DNAI4: variants seen among roughly 807,000 people sequenced by gnomAD.
DNAI4 encodes the protein dynein axonemal intermediate chain 4.
In DNAI4, 85 loss-of-function variants were observed where a neutral mutation model predicts 105.8. The ratio of observed to expected loss-of-function variants is 0.80; its 90% CI spans 0.67 to 0.96. DNAI4 has a LOEUF of 0.96. Ranked by LOEUF, DNAI4 falls within the 40% of genes least tolerant of loss-of-function variation. DNAI4 has a pLI of 0.00. For missense variants in DNAI4, 1,014 were observed against 1,005.6 expected, an observed-to-expected ratio of 1.01 and a Z score of -0.11; for synonymous variants, 352 against 331.5, an observed-to-expected ratio of 1.06 and a Z score of -0.67.
At chr1:66,833,375 A>T (rs1271453320) in intron 13 of DNAI4, among the ~76,000 whole-genome samples, 1 of 152,148 alleles carries the variant, frequency 6.6e-6, no homozygotes, top group Non-Finnish European at 1.5e-5. Flanking sequence ...TATTATCATT[A>T]GTAAGTCATT....
intron 6 of DNAI4, among the ~76,000 whole-genome samples, chr1:66,865,096 T>C (rs1300147548): frequency 6.6e-6 from 1 of 152,158 alleles, no homozygotes; most frequent in Non-Finnish European, 1.5e-5. Flanking sequence ...AAGTTTACAC[T>C]AAAGAATTTA....
chr1:66,883,180 C>CTTTTTTTTTTTTTTTT (rs755412295), intron 4 of DNAI4, among the ~76,000 whole-genome samples: 3 of 93,020 alleles, frequency 3.2e-5, no homozygotes, highest in Admixed American at 1.1e-4. Context: ...GTTTTCTTTT[C>CTTTTTTTTTTTTTTTT]TTTTTTTTTT....
At position 66,837,705 on chromosome 1, in the gene DNAI4, G is replaced by A. The variant is rs546778115; in HGVS notation, c.1581+5C>T. ...AAAAATGCTTCTTATTCTTGTTTGG[G>A]TTACCATGGGATTCTTTATTGACCA... On this transcript the variant is annotated splice_donor_5th_base_variant and intron_variant, in intron 10 of 16. Coordinates refer to ENST00000371026, the MANE Select transcript of DNAI4 (RefSeq NM_024763.5). 2 of 1,604,766 alleles carry A rather than the reference G, an allele frequency of 1.2e-6. No individual in the cohort carries two copies. Among genetic ancestry groups the A allele is most frequent in the African/African-American group, 2.7e-5 (2 of 74,792 alleles).
At chr1:66,893,089 G>GAAAGA (rs1569807886) in intron 3 of DNAI4, 140 bp downstream of exon 3, 1 of 408,600 alleles carries the variant, frequency 2.4e-6, no homozygotes. Flanking sequence ...AAGAAAGAAA[G>GAAAGA]AAAGAAAGAA....
intron 10 of DNAI4, among the ~76,000 whole-genome samples, chr1:66,836,672 T>A (rs1646032685): frequency 6.6e-6 from 1 of 152,246 alleles, no homozygotes; most frequent in Non-Finnish European, 1.5e-5. Flanking sequence ...ATGAATCCAA[T>A]GTCAATCCCT....
At chr1:66,876,737 C>T (rs1306927140) in intron 4 of DNAI4, among the ~76,000 whole-genome samples, 2 of 152,136 alleles carry the variant, frequency 1.3e-5, no homozygotes, top group African/African-American at 4.8e-5. Context: ...TTTGAGTACA[C>T]CTCTCTCTCC....
chr1:66,887,748 G>A (rs570727115), intron 4 of DNAI4, among the ~76,000 whole-genome samples: 21 of 151,852 alleles, frequency 1.4e-4, no homozygotes, highest in African/African-American at 3.6e-4. Context: ...CCAAGGCGGC[G>A]GATCACTCGA....
intron 13 of DNAI4, among the ~76,000 whole-genome samples, chr1:66,828,988 A>T (rs1049676410): frequency 3.3e-5 from 5 of 152,208 alleles, no homozygotes; most frequent in African/African-American, 1.2e-4. Context: ...ATAAACTCTG[A>T]GATTTCATGC....
At chr1:66,907,629 C>T (rs1649360073) in intron 1 of DNAI4, among the ~76,000 whole-genome samples, 1 of 152,310 alleles carries the variant, frequency 6.6e-6, no homozygotes, top group South Asian at 2.1e-4. Flanking sequence ...TTCTCTTCTA[C>T]CATCCTCTGA....
chr1:66,892,972 A>AGAGAGAGAG (rs1235369404), intron 3 of DNAI4, among the ~76,000 whole-genome samples: 30 of 137,100 alleles, frequency 2.2e-4, no homozygotes, highest in African/African-American at 8.4e-4. Context: ...AAAGAAAGAA[A>AGAGAGAGAG]GAAAGAAAGA....
At chr1:66,883,186 T>C (rs943479686) in intron 4 of DNAI4, among the ~76,000 whole-genome samples, 3 of 148,884 alleles carry the variant, frequency 2.0e-5, no homozygotes, top group Admixed American at 6.7e-5. Flanking sequence ...TTTTCTTTTT[T>C]TTTTTTTTTT....
chr1:66,897,682 T>C (rs1461115924), intron 2 of DNAI4, among the ~76,000 whole-genome samples: 1 of 152,176 alleles, frequency 6.6e-6, no homozygotes, highest in African/African-American at 2.4e-5. Context: ...GTGGCACAAG[T>C]GACCCCCATT....
At chr1:66,883,304 G>C (rs193098402) in intron 4 of DNAI4, among the ~76,000 whole-genome samples, 1 of 150,090 alleles carries the variant, frequency 6.7e-6, no homozygotes, top group East Asian at 2.0e-4. Context: ...TTGAGACGGA[G>C]TTTCACTCTT....
At chr1:66,864,866 C>T (rs2100622187) in intron 6 of DNAI4, among the ~76,000 whole-genome samples, 1 of 151,880 alleles carries the variant, frequency 6.6e-6, no homozygotes, top group African/African-American at 2.4e-5. Flanking sequence ...AATGATCAAC[C>T]CAAAAGTTAG....
chr1:66,856,372 C>G (rs1283610743), intron 7 of DNAI4, among the ~76,000 whole-genome samples: 1 of 151,582 alleles, frequency 6.6e-6, no homozygotes, highest in African/African-American at 2.4e-5. Context: ...ACTCGGGAGG[C>G]TGAGGCAGAA....
At chr1:66,885,917 T>C (rs781019945) in intron 4 of DNAI4, among the ~76,000 whole-genome samples, 6 of 152,222 alleles carry the variant, frequency 3.9e-5, no homozygotes, top group Non-Finnish European at 7.3e-5. Context: ...TTTTGGAATG[T>C]TCTCAACAAG....
At chr1:66,872,629 C>T (rs1487395114) in intron 5 of DNAI4, among the ~76,000 whole-genome samples, 1 of 151,916 alleles carries the variant, frequency 6.6e-6, no homozygotes, top group Admixed American at 6.6e-5. Flanking sequence ...TTTAATTGTT[C>T]CTCTGTAGGT....
At chr1:66,917,689 A>G (rs1250694704) in intron 1 of DNAI4, among the ~76,000 whole-genome samples, 2 of 152,302 alleles carry the variant, frequency 1.3e-5, no homozygotes, top group South Asian at 2.1e-4. Context: ...TTTTGAGCAT[A>G]TTTGTTTTTC....
chr1:66,895,016 CTT>C (rs949672134), intron 2 of DNAI4, among the ~76,000 whole-genome samples: 33 of 152,244 alleles, frequency 2.2e-4, no homozygotes, highest in African/African-American at 7.9e-4. Context: ...AAAATATTGA[CTT>C]TTGCTCTGCA....
Sources: gnomAD v4.1 joint callset for allele counts (sites outside exome capture counted in the v4.1 genomes callset) on GRCh38, gnomAD v4.1.1 for gene constraint, MANE v1.5 for transcripts, NCBI Gene and HGNC (gene_info 2026-07-23, HGNC 2026-07-21) for gene names.